The following PLEKHA2 variants were observed in gnomAD, a reference collection of about 807,000 sequenced individuals.
PLEKHA2 encodes pleckstrin homology domain containing A2, also known as pleckstrin homology domain-containing family A member 2.
In PLEKHA2, 28 loss-of-function variants were observed where a neutral mutation model predicts 53.2. The ratio of observed to expected loss-of-function variants is 0.53; its 90% confidence interval spans 0.39 to 0.72. PLEKHA2 has a LOEUF of 0.72. Among genes scored for constraint, PLEKHA2 ranks in the 30% least tolerant of loss-of-function variants. The pLI is 0.00. For synonymous variants in PLEKHA2, 193 were observed against 196.4 expected (o/e 0.98, Z 0.14); for missense variants, 426 against 537.9 (o/e 0.79, Z 2.06).
intron 9 of PLEKHA2, among the ~76,000 whole-genome samples, chr8:38,954,560 A>T (rs1834903041): frequency 6.6e-6 from 1 of 152,028 alleles, no homozygotes; most frequent in African/African-American, 2.4e-5. Context: ...CACTAAACTG[A>T]GTTAAGGAAG....
Position 38,951,057 on chromosome 8 carries a change from G to A in PLEKHA2, c.486+67G>A. ...GAAGTGTCCATGGTGTGCCCATGAT[G>A]TGCTCGGAGCACTGTACTGGGGAAA... On this transcript the variant is annotated intron_variant, in intron 6 of 11. Coordinates refer to ENST00000617275, the MANE Select transcript of PLEKHA2 (RefSeq NM_021623.2). 15 of 1,454,710 alleles carry A rather than the reference G, an allele frequency of 1.0e-5. 1 individual carries two copies. Among genetic ancestry groups the A allele is most frequent in the Non-Finnish European group, 1.4e-5 (15 of 1,072,056 alleles). 90.1% of individuals were successfully genotyped at this position (1,454,710 alleles called of 1,614,324 possible). A position where few individuals can be genotyped will look rare whatever the true frequency, so the allele number is the denominator to read the frequency against.
chr8:38,910,247 A>G (rs1299512348), intron 1 of PLEKHA2, among the ~76,000 whole-genome samples: 1 of 152,152 alleles, frequency 6.6e-6, no homozygotes, highest in African/African-American at 2.4e-5. Flanking sequence ...ATGAGCCACC[A>G]TGCCTAGCCT....
chr8:38,932,005 A>T (rs1834402337), intron 2 of PLEKHA2, among the ~76,000 whole-genome samples: 1 of 152,148 alleles, frequency 6.6e-6, no homozygotes, highest in Admixed American at 6.5e-5. Flanking sequence ...CTTTTTAATA[A>T]ATAGAGTCAG....
chr8:38,904,098 G>A lies in PLEKHA2; in HGVS notation c.-24+2653G>A, dbSNP rs112826267. 8.9e-4 allele frequency among the ~76,000 whole-genome samples: 136 copies of A among 152,244 alleles called. 1 individual carries two copies. The highest frequency in any genetic ancestry group is 6.8e-3 in the Middle Eastern group (2 of 294). The stretch of plus-strand genomic sequence containing the variant: ...TATTGAGATGGGGTATTGGACAGGC[G>A]GGGGAGATAGGGCAGCTGAGAGGTG... On this transcript the variant is annotated intron_variant, in intron 1 of 11. Transcript: ENST00000617275.
intron 9 of PLEKHA2, among the ~76,000 whole-genome samples, chr8:38,954,906 T>C (rs1834910292): frequency 6.6e-6 from 1 of 151,878 alleles, no homozygotes; most frequent in South Asian, 2.1e-4. Flanking sequence ...TGGTGGTGGG[T>C]GCCTGTAATC....
intron 1 of PLEKHA2, among the ~76,000 whole-genome samples, chr8:38,917,117 G>A (rs144236896): frequency 6.6e-6 from 1 of 152,164 alleles, no homozygotes; most frequent in African/African-American, 2.4e-5. Flanking sequence ...TTTAAATTTG[G>A]ATTATGAGAT....
At chr8:38,960,597 C>T (rs1242578057) in intron 10 of PLEKHA2, among the ~76,000 whole-genome samples, 2 of 152,162 alleles carry the variant, frequency 1.3e-5, no homozygotes, top group African/African-American at 4.8e-5. Flanking sequence ...TACAGTTTTG[C>T]ACATCTATCT....
chr8:38,947,301 T>C (rs1389528234), intron 5 of PLEKHA2, among the ~76,000 whole-genome samples: 1 of 151,904 alleles, frequency 6.6e-6, no homozygotes, highest in Non-Finnish European at 1.5e-5. Flanking sequence ...AAATACAAAA[T>C]TAGCTGGGCG....
intron 1 of PLEKHA2, among the ~76,000 whole-genome samples, chr8:38,907,375 T>C (rs1017910483): frequency 6.6e-6 from 1 of 152,330 alleles, no homozygotes. Flanking sequence ...CATATTTCCC[T>C]CTATTCTTTC....
At chr8:38,960,056 A>C (rs1835014444) in intron 10 of PLEKHA2, among the ~76,000 whole-genome samples, 1 of 152,228 alleles carries the variant, frequency 6.6e-6, no homozygotes, top group Non-Finnish European at 1.5e-5. Flanking sequence ...TAAAGACAGC[A>C]ATTTGGGAAA....
At chr8:38,952,137 G>A (rs781153775) in intron 6 of PLEKHA2, 29 bp from the exon 7 acceptor site, 1 of 1,601,932 alleles carries the variant, frequency 6.2e-7, no homozygotes, top group Non-Finnish European at 8.5e-7. Context: ...AGGGAGGGAG[G>A]CGCTGATACT....
chr8:38,922,412 A>G lies in PLEKHA2; in HGVS notation c.141+4342A>G, dbSNP rs1834210411. On this transcript the variant is annotated intron_variant, in intron 2 of 11. Transcript: ENST00000617275. This position sits in a 1 kb window ranked among gnomAD's most constrained non-coding sequence, Gnocchi z 4.0. ...TGGTCAGAAGTCAGGTCACTGGGGA[A>G]TGTGGAGTGCCCAACATTGCTTTCC... is the stretch of plus-strand genomic sequence containing the variant. Among the ~76,000 whole-genome samples, 1 of 152,176 alleles carries G rather than the reference A, an allele frequency of 6.6e-6. No individual in the cohort carries two copies. Among genetic ancestry groups the G allele is most frequent in the East Asian group, 1.9e-4 (1 of 5,196 alleles).
chr8:38,908,563 C>A (rs1325456548), intron 1 of PLEKHA2, among the ~76,000 whole-genome samples: 2 of 152,144 alleles, frequency 1.3e-5, no homozygotes, highest in Non-Finnish European at 2.9e-5. Context: ...AACACATGCT[C>A]CCTGTAGAAG....
chr8:38,906,932 A>T (rs1833885759), intron 1 of PLEKHA2, among the ~76,000 whole-genome samples: 1 of 152,152 alleles, frequency 6.6e-6, no homozygotes, highest in Non-Finnish European at 1.5e-5. Flanking sequence ...TCTATACCTC[A>T]GTTCCTGTCT....
At position 38,970,519 on chromosome 8, in the gene PLEKHA2, G is replaced by A. The variant is rs1835226505; in HGVS notation, c.*736G>A. The A allele has an allele frequency of 1.2e-5, 2 of 162,378 alleles. No homozygotes were observed. Among genetic ancestry groups the A allele is most frequent in the Non-Finnish European group, 2.7e-5 (2 of 73,560 alleles). 10.1% of individuals were successfully genotyped at this position (162,378 alleles called of 1,614,324 possible). ...GAGCCTAGAAAATTGAGTTTTGAGC[G>A]GGCATGGTGGCTCACGCCTGTAATG... On this transcript the variant is annotated 3_prime_UTR_variant, in exon 12 of 12. Transcript: ENST00000617275.
chr8:38,933,864 C>A (rs1014747472), intron 2 of PLEKHA2, among the ~76,000 whole-genome samples: 1 of 148,892 alleles, frequency 6.7e-6, no homozygotes, highest in Non-Finnish European at 1.5e-5. Flanking sequence ...ATCAGATTAT[C>A]CACAGTTCAT....
chr8:38,950,741 C>G lies in PLEKHA2; in HGVS notation c.346-109C>G, dbSNP rs1035015243. ...GCTTGGGGAGGACACGCAAGTCTGACTGTAATTTGGCACATGAGCTTTTCT... is the reference window on the plus strand; with the variant it reads ...GCTTGGGGAGGACACGCAAGTCTGAGTGTAATTTGGCACATGAGCTTTTCT... On this transcript the variant is annotated intron_variant, in intron 5 of 11. Coordinates refer to ENST00000617275, the MANE Select transcript of PLEKHA2 (RefSeq NM_021623.2). The G allele has an allele frequency of 6.6e-5, 91 of 1,381,228 alleles. 1 individual carries two copies. Among genetic ancestry groups the G allele is most frequent in the South Asian group, 1.8e-4 (13 of 70,346 alleles). 85.6% of individuals were successfully genotyped at this position (1,381,228 alleles called of 1,614,324 possible). A position where few individuals can be genotyped will look rare whatever the true frequency, so the allele number is the denominator to read the frequency against.
chr8:38,933,320 G>C (rs532912849), intron 2 of PLEKHA2, among the ~76,000 whole-genome samples: 60 of 152,280 alleles, frequency 3.9e-4, no homozygotes, highest in African/African-American at 1.4e-3. Flanking sequence ...CTATGAAACA[G>C]GGTTTAGCAT....
rs1191472957 is a variant in PLEKHA2 at position 38,973,177 on chromosome 8, T to C, written c.*3394T>C. 6.6e-6 allele frequency: 1 copy of C among 152,158 alleles called. No homozygotes were observed. Among genetic ancestry groups the C allele is most frequent in the Non-Finnish European group, 1.5e-5 (1 of 68,028 alleles). 9.4% of individuals were successfully genotyped at this position (152,158 alleles called of 1,614,324 possible). ...CAGCTGATGGTTGGTAAAAATAATT[T>C]GGCCTTTAGTGTTAAGTGAGACATC... On this transcript the variant is annotated 3_prime_UTR_variant, in exon 12 of 12. Coordinates refer to ENST00000617275, the MANE Select transcript of PLEKHA2 (RefSeq NM_021623.2).
Sources: allele counts gnomAD v4.1 joint callset (sites outside exome capture counted in the v4.1 genomes callset), GRCh38; gene constraint gnomAD v4.1.1; non-coding constraint Gnocchi (gnomAD v3.1); transcripts MANE v1.5; gene names NCBI Gene and HGNC (gene_info 2026-07-23, HGNC 2026-07-21).